Variants in RGPD2 observed in about 807,000 individuals in gnomAD.
The protein encoded by RGPD2 is RANBP2-like and GRIP domain-containing protein 2.
In RGPD2, 2 loss-of-function variants were observed where a neutral mutation model predicts 36.0. The observed-to-expected ratio is 0.06, with a 90% CI of 0.02 to 0.17. RGPD2 has a LOEUF of 0.17. Among genes scored for constraint, RGPD2 ranks in the 10% least tolerant of loss-of-function variants. RGPD2 has a pLI of 1.00. For synonymous variants in RGPD2, 19 were observed against 163.8 expected (o/e 0.12, Z 6.75); for missense variants, 40 against 464.3 (o/e 0.09, Z 8.40).
the RGPD2 span, among the ~76,000 whole-genome samples, chr2:87,904,868 G>A: frequency 8.1e-6 from 1 of 123,458 alleles, no homozygotes; most frequent in African/African-American, 3.0e-5. Flanking sequence ...AGTAGCCTGG[G>A]GAAATGGAAA....
chr2:87,974,902 A>G, the RGPD2 span, among the ~76,000 whole-genome samples: 1 of 152,000 alleles, frequency 6.6e-6, no homozygotes, highest in Non-Finnish European at 1.5e-5. Context: ...CTCATTTACC[A>G]TACTACTCAT....
chr2:87,988,541 A>ATTTTTTT, the RGPD2 span, among the ~76,000 whole-genome samples: 4 of 54,140 alleles, frequency 7.4e-5, no homozygotes, highest in African/African-American at 1.8e-4. Flanking sequence ...ATATATATAT[A>ATTTTTTT]TTTTTTTTTT....
chr2:87,923,279 A>C, the RGPD2 span, among the ~76,000 whole-genome samples: 1 of 152,154 alleles, frequency 6.6e-6, no homozygotes, highest in East Asian at 1.9e-4. Flanking sequence ...CTTCTGGAGC[A>C]GTGCTTTTTC....
chr2:87,975,230 T>C, the RGPD2 span, among the ~76,000 whole-genome samples: 1 of 147,142 alleles, frequency 6.8e-6, no homozygotes, highest in Non-Finnish European at 1.5e-5. Flanking sequence ...CTTTCATAAG[T>C]GCTTCCCTAA....
At chr2:87,841,754 C>CA in the RGPD2 span, among the ~76,000 whole-genome samples, 7 of 143,140 alleles carry the variant, frequency 4.9e-5, no homozygotes, top group African/African-American at 7.8e-5. Context: ...AGAGACACAA[C>CA]AAAAAAAGAG....
chr2:87,986,864 C>T, the RGPD2 span, among the ~76,000 whole-genome samples: 1 of 128,868 alleles, frequency 7.8e-6, no homozygotes, highest in Admixed American at 8.2e-5. Flanking sequence ...TGGATGACTA[C>T]AGCGAAACTG....
the RGPD2 span, among the ~76,000 whole-genome samples, chr2:87,939,798 C>T: frequency 2.6e-5 from 4 of 151,934 alleles, no homozygotes; most frequent in Non-Finnish European, 5.9e-5. Context: ...TAAGAACAAA[C>T]TATTTACTTG....
chr2:87,860,329 T>C, the RGPD2 span, among the ~76,000 whole-genome samples: 3 of 151,864 alleles, frequency 2.0e-5, no homozygotes, highest in Admixed American at 1.3e-4. Flanking sequence ...AAAGGGCAGG[T>C]AAATATCTCT....
the RGPD2 span, among the ~76,000 whole-genome samples, chr2:87,894,564 A>G: frequency 5.3e-5 from 8 of 152,220 alleles, no homozygotes; most frequent in South Asian, 1.0e-3. Context: ...TCTATCATTT[A>G]TAAATACCTA....
rs1686739316 is a variant in RGPD2 at position 87,825,537 on chromosome 2, C to CCGCCGCCCGGCCCAGGT, written c.72+120_72+121insACCTGGGCCGGGCGGCG. 2.9e-5 allele frequency: 17 copies of CCGCCGCCCGGCCCAGGT among 588,602 alleles called. No individual in the cohort carries two copies. In the Admixed American group the frequency reaches 2.1e-3, roughly 74 times the overall value. The allele number at this position is 588,602 out of a possible 1,614,324, so 36.5% of individuals were successfully genotyped here. A position where few individuals can be genotyped will look rare whatever the true frequency, so the allele number is the denominator to read the frequency against. On this transcript the variant is annotated intron_variant, in intron 1 of 22. Coordinates refer to ENST00000398146, the MANE Select transcript of RGPD2 (RefSeq NM_001078170.3). ...GGCCGCCGCCCGGCCGAGGCCGAGGCCGAGGCCGCCGCCCGGCCAGGTCGA... is the reference window on the plus strand; with the variant it reads ...GGCCGCCGCCCGGCCGAGGCCGAGGCCGCCGCCCGGCCCAGGTCGAGGCCGCCGCCCGGCCAGGTCGA...
the RGPD2 span, among the ~76,000 whole-genome samples, chr2:87,870,143 C>T: frequency 6.6e-6 from 1 of 152,288 alleles, no homozygotes; most frequent in African/African-American, 2.4e-5. Flanking sequence ...CTGTATTAAT[C>T]ATTTTTTTAA....
the RGPD2 span, among the ~76,000 whole-genome samples, chr2:87,847,306 G>C: frequency 2.0e-5 from 3 of 152,146 alleles, no homozygotes; most frequent in African/African-American, 7.2e-5. Context: ...CAGTTTTTGT[G>C]TTATATTTCT....
the RGPD2 span, among the ~76,000 whole-genome samples, chr2:87,921,142 C>A: frequency 6.6e-6 from 1 of 150,816 alleles, no homozygotes; most frequent in Non-Finnish European, 1.5e-5. Context: ...TTGAACTGAT[C>A]AACATAACAA....
the RGPD2 span, among the ~76,000 whole-genome samples, chr2:87,857,993 CTAAAA>C: frequency 1.3e-4 from 20 of 152,320 alleles, no homozygotes; most frequent in African/African-American, 4.1e-4. Context: ...TTTTGACATA[CTAAAA>C]TATATACTCC....
intron 22 of RGPD2, chr2:87,771,486 G>C (rs1157195306): frequency 5.1e-5 from 1 of 19,536 alleles, no homozygotes; most frequent in Non-Finnish European, 9.2e-5. Flanking sequence ...CCTCCACCTC[G>C]TGAGTTCAAG....
the RGPD2 span, among the ~76,000 whole-genome samples, chr2:87,873,739 T>C: frequency 1.2e-3 from 180 of 151,754 alleles, 5 homozygotes; most frequent in Non-Finnish European, 1.6e-4. Context: ...TGGCAGGCAA[T>C]GTGAGAGAGC....
chr2:87,978,910 C>T, the RGPD2 span, among the ~76,000 whole-genome samples: 23,579 of 145,196 alleles, frequency 0.16, 2,398 homozygotes, highest in Non-Finnish European at 0.23. Flanking sequence ...AAGTGACACC[C>T]CGTCTCTTAA....
At chr2:87,883,884 A>T in the RGPD2 span, among the ~76,000 whole-genome samples, 3 of 151,584 alleles carry the variant, frequency 2.0e-5, no homozygotes, top group South Asian at 4.2e-4. Flanking sequence ...CAACAGACAG[A>T]TCATTCAGAC....
chr2:87,931,013 CA>C, the RGPD2 span, among the ~76,000 whole-genome samples: 4 of 63,598 alleles, frequency 6.3e-5, no homozygotes, highest in Non-Finnish European at 8.7e-5. Flanking sequence ...TTTTTTTTTT[CA>C]AAAAACAAGC....
Sources: gnomAD v4.1 joint callset for allele counts (sites outside exome capture counted in the v4.1 genomes callset) on GRCh38, gnomAD v4.1.1 for gene constraint, MANE v1.5 for transcripts, NCBI Gene and HGNC (gene_info 2026-07-23, HGNC 2026-07-21) for gene names.